Variants in AGBL4 observed in about 807,000 individuals in gnomAD.
The protein encoded by AGBL4 is AGBL carboxypeptidase 4.
AGBL4 carries 58 observed loss-of-function variants against 66.4 expected under a neutral mutation model. The ratio of observed to expected loss-of-function variants is 0.87; its 90% CI spans 0.71 to 1.09. The LOEUF (loss-of-function observed/expected upper bound fraction) is 1.09. Ranked by LOEUF, AGBL4 falls within the 50% of genes least tolerant of loss-of-function variation. The probability of loss-of-function intolerance (pLI) is 0.00; values close to 1 mark genes in which losing one functional copy is unlikely to be tolerated. For synonymous variants in AGBL4, 234 were observed against 222.9 expected, an observed-to-expected ratio of 1.05 and a Z score of -0.44; for missense variants, 579 against 631.0, an observed-to-expected ratio of 0.92 and a Z score of 0.88.
intron 5 of AGBL4, among the ~76,000 whole-genome samples, chr1:48,900,013 A>C (rs1651930478): frequency 6.6e-6 from 1 of 152,170 alleles, no homozygotes; most frequent in Non-Finnish European, 1.5e-5. Flanking sequence ...CATGAGGAGG[A>C]AACATTTGAG....
At chr1:48,915,650 G>A (rs564114108) in intron 5 of AGBL4, among the ~76,000 whole-genome samples, 1 of 152,130 alleles carries the variant, frequency 6.6e-6, no homozygotes, top group Non-Finnish European at 1.5e-5. Flanking sequence ...TGTTAGAAAC[G>A]TAAGTTCTTA....
At chr1:49,836,301 T>C (rs1237365465) in intron 2 of AGBL4, among the ~76,000 whole-genome samples, 1 of 152,214 alleles carries the variant, frequency 6.6e-6, no homozygotes, top group African/African-American at 2.4e-5. Flanking sequence ...TCTAATATTG[T>C]CTTCATGGTT....
intron 1 of AGBL4, among the ~76,000 whole-genome samples, chr1:49,885,969 A>G (rs1339063669): frequency 6.6e-6 from 1 of 152,158 alleles, no homozygotes; most frequent in East Asian, 1.9e-4. Context: ...TCAGCAAGTG[A>G]TGATCTTGGA....
chr1:48,747,198 T>C (rs951456331), intron 6 of AGBL4, among the ~76,000 whole-genome samples: 3 of 152,206 alleles, frequency 2.0e-5, no homozygotes, highest in African/African-American at 7.2e-5. Context: ...CGCAGATATT[T>C]TAGGTAACAA....
At chr1:49,779,028 A>C (rs1327391700) in intron 2 of AGBL4, among the ~76,000 whole-genome samples, 2 of 152,306 alleles carry the variant, frequency 1.3e-5, no homozygotes, top group African/African-American at 4.8e-5. Context: ...AACATACAAC[A>C]ATCAGATAGC....
At chr1:49,090,445 G>A (rs1174793875) in intron 4 of AGBL4, among the ~76,000 whole-genome samples, 1 of 151,916 alleles carries the variant, frequency 6.6e-6, no homozygotes. Flanking sequence ...CACCAACAAT[G>A]TCCAAGCTGA....
chr1:49,846,493 T>G, intron 2 of AGBL4: 1 of 934,894 alleles, frequency 1.1e-6, no homozygotes, highest in Non-Finnish European at 1.6e-6. Context: ...GAGAAACATA[T>G]GTCTTTATCA....
chr1:49,796,730 T>G lies in AGBL4; in HGVS notation c.157+54666A>C, dbSNP rs577179701. 1.6e-3 allele frequency among the ~76,000 whole-genome samples: 249 copies of G among 151,934 alleles called. 1 individual carries two copies. The highest frequency in any genetic ancestry group is 5.6e-3 in the African/African-American group (233 of 41,556). On this transcript the variant is annotated intron_variant, in intron 2 of 13. Transcript: ENST00000371839. ...AATTTATTTCTAGGTGGTAGAATTA[T>G]GATTTCTAAATTACAGATTATTTTA...
At chr1:49,692,610 C>G (rs1435328438) in intron 3 of AGBL4, among the ~76,000 whole-genome samples, 1 of 151,616 alleles carries the variant, frequency 6.6e-6, no homozygotes, top group Admixed American at 6.6e-5. Flanking sequence ...CAGAGCTGCT[C>G]AGGAGGATGA....
chr1:48,693,260 G>A lies in AGBL4; in HGVS notation c.635-30019C>T, dbSNP rs56990085. Reference sequence around the variant, plus strand: ...GTGAGCATTGGCTGGGAAAGGGAGTGTATCTGAAGACTATTTGCACAGGAA... The same window carrying A: ...GTGAGCATTGGCTGGGAAAGGGAGTATATCTGAAGACTATTTGCACAGGAA... On this transcript the variant is annotated intron_variant, in intron 6 of 13. Coordinates refer to ENST00000371839, the MANE Select transcript of AGBL4 (RefSeq NM_032785.4). Among the ~76,000 whole-genome samples the A allele has an allele frequency of 9.1e-3, 1,389 of 152,226 alleles. 25 individuals are homozygous for A. The highest frequency in any genetic ancestry group is 0.032 in the African/African-American group (1,333 of 41,524).
intron 5 of AGBL4, among the ~76,000 whole-genome samples, chr1:48,956,761 C>G (rs1245496446): frequency 1.3e-5 from 2 of 152,050 alleles, no homozygotes; most frequent in African/African-American, 4.8e-5. Context: ...AACTTGCTGA[C>G]TAGAATAGCA....
At chr1:48,788,670 T>C (rs1196469937) in intron 6 of AGBL4, among the ~76,000 whole-genome samples, 1 of 152,266 alleles carries the variant, frequency 6.6e-6, no homozygotes, top group East Asian at 1.9e-4. Flanking sequence ...CATGAATTTT[T>C]CTGTGATGCC....
At chr1:49,697,283 C>T (rs769335688) in intron 3 of AGBL4, 30 bp downstream of exon 3, 1 of 1,519,250 alleles carries the variant, frequency 6.6e-7, no homozygotes, top group South Asian at 1.2e-5. Context: ...TTACCAAAAC[C>T]ACTCTGAAGG....
chr1:49,961,849 C>G (rs1225839326), intron 1 of AGBL4, among the ~76,000 whole-genome samples: 2 of 152,048 alleles, frequency 1.3e-5, no homozygotes, highest in African/African-American at 4.8e-5. Context: ...ATTAGTTCCA[C>G]AAATGAATGG....
chr1:49,191,551 T>C (rs946665722), intron 4 of AGBL4, among the ~76,000 whole-genome samples: 1 of 152,184 alleles, frequency 6.6e-6, no homozygotes, highest in Non-Finnish European at 1.5e-5. Flanking sequence ...GTATAAATGA[T>C]CCCATCACCC....
rs146366723 is a variant in AGBL4, at chr1:49,020,103, T to C, written c.594+25481A>G. On this transcript the variant is annotated intron_variant, in intron 5 of 13. Coordinates refer to ENST00000371839, the MANE Select transcript of AGBL4 (RefSeq NM_032785.4). ...AGTGATATGGAATAATGTTCTTAAT[T>C]TGGTAATGAATTAGTGGTGTATCTC... Among the ~76,000 whole-genome samples the C allele has an allele frequency of 5.6e-4, 85 of 152,278 alleles. 1 individual carries two copies. In the East Asian group the frequency reaches 0.013, roughly 23 times the overall value.
At chr1:48,603,190 G>A (rs1192759209) in intron 9 of AGBL4, among the ~76,000 whole-genome samples, 1 of 152,212 alleles carries the variant, frequency 6.6e-6, no homozygotes, top group Non-Finnish European at 1.5e-5. Flanking sequence ...AATACATTGG[G>A]GCCCAGCGCA....
At chr1:49,583,343 G>A (rs1644582859) in intron 3 of AGBL4, among the ~76,000 whole-genome samples, 1 of 152,164 alleles carries the variant, frequency 6.6e-6, no homozygotes, top group Admixed American at 6.5e-5. Context: ...CTAGTCCTAT[G>A]TACATCTTCA....
chr1:49,916,396 G>T (rs1330366837), intron 1 of AGBL4, among the ~76,000 whole-genome samples: 2 of 152,164 alleles, frequency 1.3e-5, no homozygotes, highest in African/African-American at 4.8e-5. Flanking sequence ...TAAATGATCT[G>T]ATGGAGCTGA....
Sources: allele counts gnomAD v4.1 joint callset (sites outside exome capture counted in the v4.1 genomes callset), GRCh38; gene constraint gnomAD v4.1.1; transcripts MANE v1.5; gene names NCBI Gene and HGNC (gene_info 2026-07-23, HGNC 2026-07-21).